Variants in GALNTL6 observed in about 807,000 individuals in gnomAD.
GALNTL6 encodes the protein polypeptide N-acetylgalactosaminyltransferase like 6.
GALNTL6 carries 46 observed loss-of-function variants against 73.7 expected under a neutral mutation model. The ratio of observed to expected loss-of-function variants is 0.62; its 90% CI spans 0.49 to 0.80. GALNTL6 has a LOEUF of 0.80. Ranked by LOEUF, GALNTL6 falls within the 30% of genes least tolerant of loss-of-function variation. The pLI, the probability that GALNTL6 is intolerant of heterozygous loss-of-function variation, is 0.00. For synonymous variants in GALNTL6, 259 were observed against 263.7 expected, an observed-to-expected ratio of 0.98 and a Z score of 0.17; for missense variants, 604 against 755.0, an observed-to-expected ratio of 0.80 and a Z score of 2.34.
At chr4:172,605,398 C>A (rs536077992) in intron 5 of GALNTL6, among the ~76,000 whole-genome samples, 1 of 152,184 alleles carries the variant, frequency 6.6e-6, no homozygotes, top group African/African-American at 2.4e-5. Context: ...AAGTCACAAT[C>A]TTGATGAGGA....
chr4:172,214,500 T>C (rs1472314299), intron 2 of GALNTL6, among the ~76,000 whole-genome samples: 1 of 151,310 alleles, frequency 6.6e-6, no homozygotes, highest in Non-Finnish European at 1.5e-5. Context: ...TAATTTCTGT[T>C]CTGTTTTTAT....
At chr4:172,327,437 G>A (rs932362356) in intron 4 of GALNTL6, among the ~76,000 whole-genome samples, 5 of 152,068 alleles carry the variant, frequency 3.3e-5, no homozygotes, top group African/African-American at 1.2e-4. Context: ...TTGAGTTCAG[G>A]TCCTGAATAT....
chr4:172,413,980 T>A (rs1744534982), intron 5 of GALNTL6, among the ~76,000 whole-genome samples: 1 of 152,154 alleles, frequency 6.6e-6, no homozygotes, highest in Admixed American at 6.6e-5. Context: ...TATGAGCCTG[T>A]TTGTTTGGAA....
intron 2 of GALNTL6, among the ~76,000 whole-genome samples, chr4:171,934,910 G>T (rs1409986774): frequency 1.3e-5 from 2 of 152,096 alleles, no homozygotes; most frequent in Non-Finnish European, 2.9e-5. Context: ...CTTTTCCCTT[G>T]CTTTCTCCAC....
At chr4:172,110,405 A>T (rs1349573055) in intron 2 of GALNTL6, among the ~76,000 whole-genome samples, 1 of 152,188 alleles carries the variant, frequency 6.6e-6, no homozygotes, top group African/African-American at 2.4e-5. Flanking sequence ...AGAAGATAGG[A>T]TGAACTGTGG....
At chr4:171,837,412 G>A (rs1305654506) in intron 2 of GALNTL6, among the ~76,000 whole-genome samples, 2 of 151,776 alleles carry the variant, frequency 1.3e-5, no homozygotes, top group East Asian at 1.9e-4. Flanking sequence ...GGTGGGATCT[G>A]AGGCTTAGGT....
At chr4:171,977,369 A>G (rs934171634) in intron 2 of GALNTL6, among the ~76,000 whole-genome samples, 14 of 152,228 alleles carry the variant, frequency 9.2e-5, no homozygotes, top group African/African-American at 2.9e-4. Flanking sequence ...ATAAAGTACC[A>G]CAGACTGGGT....
intron 7 of GALNTL6, among the ~76,000 whole-genome samples, chr4:172,842,282 C>A (rs983223221): frequency 3.3e-5 from 5 of 152,204 alleles, no homozygotes; most frequent in African/African-American, 4.8e-5. Context: ...CTTAGCCACT[C>A]TCTAAACACA....
At chr4:172,386,699 A>G (rs992666979) in intron 5 of GALNTL6, among the ~76,000 whole-genome samples, 1 of 152,124 alleles carries the variant, frequency 6.6e-6, no homozygotes, top group African/African-American at 2.4e-5. Context: ...CAGAGTCCAA[A>G]GGCTGGAGAA....
At chr4:172,067,568 C>T (rs1731404581) in intron 2 of GALNTL6, among the ~76,000 whole-genome samples, 1 of 45,244 alleles carries the variant, frequency 2.2e-5, no homozygotes, top group African/African-American at 8.5e-5. Context: ...GATGTCCACC[C>T]CATCCCTCTC....
At chr4:172,084,450 T>C (rs1310363629) in intron 2 of GALNTL6, among the ~76,000 whole-genome samples, 1 of 152,128 alleles carries the variant, frequency 6.6e-6, no homozygotes, top group African/African-American at 2.4e-5. Context: ...TGTTATGCCA[T>C]AAAACAAACC....
chr4:172,277,720 TG>T (rs556589274), intron 3 of GALNTL6, among the ~76,000 whole-genome samples: 73 of 152,332 alleles, frequency 4.8e-4, no homozygotes, highest in African/African-American at 1.6e-3. Flanking sequence ...ATATTTGGTT[TG>T]TTTCTTTGGT....
intron 2 of GALNTL6, among the ~76,000 whole-genome samples, chr4:172,205,727 A>G (rs908500609): frequency 3.9e-5 from 6 of 152,110 alleles, no homozygotes; most frequent in Non-Finnish European, 8.8e-5. Context: ...ATCTCTTCCT[A>G]TTTCCAGTCC....
chr4:172,944,297 A>T (rs1749054196), intron 9 of GALNTL6, among the ~76,000 whole-genome samples: 1 of 152,360 alleles, frequency 6.6e-6, no homozygotes, highest in South Asian at 2.1e-4. Context: ...CCCAATTTTT[A>T]AAATGGGTAA....
chr4:172,239,760 T>A (rs753746039), intron 3 of GALNTL6, among the ~76,000 whole-genome samples: 4 of 152,060 alleles, frequency 2.6e-5, no homozygotes, highest in Non-Finnish European at 5.9e-5. Context: ...CGTTGTGTGG[T>A]TAATTTTAGG....
At chr4:172,181,453 T>C (rs975101105) in intron 2 of GALNTL6, among the ~76,000 whole-genome samples, 1 of 152,000 alleles carries the variant, frequency 6.6e-6, no homozygotes, top group Non-Finnish European at 1.5e-5. Flanking sequence ...TATCTCAAAA[T>C]AGTAAGAGCT....
intron 3 of GALNTL6, among the ~76,000 whole-genome samples, chr4:172,288,306 C>T (rs915528894): frequency 4.6e-5 from 7 of 151,996 alleles, no homozygotes; most frequent in East Asian, 3.9e-4. Flanking sequence ...TTAGCCAGGA[C>T]GGTCTCGATC....
In GALNTL6 at chr4:172,487,294, C is replaced by CTTT. The variant is rs1733709468; in HGVS notation, c.553+138605_553+138606insTTT. On this transcript the variant is annotated intron_variant, in intron 5 of 12. Transcript: ENST00000506823. ...TTCCTCTTTCTTTCTTTCCTTCTTT[C>CTTT]CTTCTGTCTTTCTTTCTTTCTTTCT... is the stretch of plus-strand genomic sequence containing the variant. 1.9e-4 allele frequency among the ~76,000 whole-genome samples: 13 copies of CTTT among 69,792 alleles called. No homozygotes were observed. The Admixed American group carries it at 1.9e-3, about 10-fold the overall frequency. 45.8% of individuals were successfully genotyped at this position (69,792 alleles called of 152,430 possible).
rs542819288 is a variant in GALNTL6 at position 172,671,288 on chromosome 4, A to C, written c.554-138073A>C. Among the ~76,000 whole-genome samples, 154 of 152,186 alleles carry C rather than the reference A, an allele frequency of 1.0e-3. 1 individual carries two copies. In the South Asian group the frequency reaches 0.021, roughly 21 times the overall value. On this transcript the variant is annotated intron_variant, in intron 5 of 12. Coordinates refer to ENST00000506823, the MANE Select transcript of GALNTL6 (RefSeq NM_001034845.3). ...TGATTCTTTCTATCCATGAGCATGG[A>C]ATGTTTTTCCATTTGTTTGTGTTAT... is the stretch of plus-strand genomic sequence containing the variant.
Sources: allele counts gnomAD v4.1 joint callset (sites outside exome capture counted in the v4.1 genomes callset), GRCh38; gene constraint gnomAD v4.1.1; transcripts MANE v1.5; gene names NCBI Gene and HGNC (gene_info 2026-07-23, HGNC 2026-07-21).